Variants in SCAMP1 observed in about 807,000 individuals in gnomAD.
SCAMP1 encodes secretory carrier membrane protein 1, also known as secretory carrier-associated membrane protein 1.
SCAMP1 carries 15 observed loss-of-function variants against 41.8 expected under a neutral mutation model. The ratio of observed to expected loss-of-function variants is 0.36; its 90% confidence interval spans 0.24 to 0.55. SCAMP1 has a LOEUF of 0.55. Among genes scored for constraint, SCAMP1 ranks in the 20% least tolerant of loss-of-function variants. SCAMP1 has a pLI of 0.86. For synonymous variants in SCAMP1, 135 were observed against 136.8 expected (o/e 0.99, Z 0.09); for missense variants, 341 against 412.6 (o/e 0.83, Z 1.50).
intron 8 of SCAMP1, among the ~76,000 whole-genome samples, chr5:78,463,823 C>T (rs1753674532): frequency 6.6e-6 from 1 of 151,126 alleles, no homozygotes; most frequent in African/African-American, 2.4e-5. Flanking sequence ...GAATTGTACA[C>T]TTTAAAGGGT....
intron 1 of SCAMP1, among the ~76,000 whole-genome samples, chr5:78,386,453 C>T (rs188121501): frequency 4.6e-5 from 7 of 151,994 alleles, no homozygotes; most frequent in African/African-American, 9.7e-5. Flanking sequence ...TTACAATCAA[C>T]GTTATTATTG....
intron 7 of SCAMP1, among the ~76,000 whole-genome samples, chr5:78,458,585 T>C (rs550449316): frequency 5.1e-4 from 78 of 152,266 alleles, no homozygotes; most frequent in African/African-American, 1.8e-3. Flanking sequence ...AAATAAACAT[T>C]TAAAAAAATG....
intron 6 of SCAMP1, among the ~76,000 whole-genome samples, chr5:78,432,664 T>G (rs1580690997): frequency 6.6e-6 from 1 of 152,116 alleles, no homozygotes; most frequent in African/African-American, 2.4e-5. Context: ...TTGGGGTGTT[T>G]GAATATGATG....
chr5:78,365,251 A>T (rs1236790059), intron 1 of SCAMP1, among the ~76,000 whole-genome samples: 1 of 151,812 alleles, frequency 6.6e-6, no homozygotes, highest in Non-Finnish European at 1.5e-5. Flanking sequence ...GAGGCGGGCG[A>T]ATCACGAGGT....
At chr5:78,467,622 A>C (rs1200430435) in intron 8 of SCAMP1, among the ~76,000 whole-genome samples, 1 of 152,214 alleles carries the variant, frequency 6.6e-6, no homozygotes, top group Non-Finnish European at 1.5e-5. Flanking sequence ...AGAAGTTACC[A>C]GAACTTCTGT....
chr5:78,404,831 G>A (rs868293482), intron 2 of SCAMP1, among the ~76,000 whole-genome samples: 1 of 152,176 alleles, frequency 6.6e-6, no homozygotes, highest in South Asian at 2.1e-4. Context: ...AGAAGAAGGA[G>A]GGGATTTTTT....
intron 2 of SCAMP1, among the ~76,000 whole-genome samples, chr5:78,398,839 A>G (rs1751728315): frequency 6.6e-6 from 1 of 152,086 alleles, no homozygotes; most frequent in Admixed American, 6.6e-5. Context: ...GCCACCGCGC[A>G]TGGCCCCAGC....
At position 78,469,715 on chromosome 5, in the gene SCAMP1, A is replaced by G. The variant is rs112078676; in HGVS notation, c.853-5789A>G. ...TCAGCTTTATTGAAATATAATTCAC[A>G]TACAATTCACCCATTTAAAATATAC... On this transcript the variant is annotated intron_variant, in intron 8 of 8. Coordinates refer to ENST00000621999, the MANE Select transcript of SCAMP1 (RefSeq NM_004866.6). 1.9e-3 allele frequency among the ~76,000 whole-genome samples: 290 copies of G among 151,746 alleles called. 1 individual carries two copies. Among genetic ancestry groups the G allele is most frequent in the African/African-American group, 6.1e-3 (251 of 41,420 alleles).
chr5:78,462,381 G>A (rs1206092922), intron 8 of SCAMP1, among the ~76,000 whole-genome samples: 1 of 152,180 alleles, frequency 6.6e-6, no homozygotes, highest in Non-Finnish European at 1.5e-5. Context: ...CCAGGCTGGA[G>A]TGCAGTGGTG....
chr5:78,413,419 G>A (rs1752130025), intron 2 of SCAMP1, among the ~76,000 whole-genome samples: 1 of 103,570 alleles, frequency 9.7e-6, no homozygotes, highest in Non-Finnish European at 1.9e-5. Flanking sequence ...TTTAGTTCCT[G>A]CCTTTTTTTT....
chr5:78,458,116 C>G (rs1468263807), intron 7 of SCAMP1, among the ~76,000 whole-genome samples: 2 of 152,112 alleles, frequency 1.3e-5, no homozygotes, highest in African/African-American at 2.4e-5. Context: ...CCTGGTACCT[C>G]AGATGGAAAT....
chr5:78,418,806 C>T lies in SCAMP1; in HGVS notation c.375C>T (p.Ser125=), dbSNP rs1580679521. 2 of 1,566,132 alleles carry T rather than the reference C, an allele frequency of 1.3e-6. No individual in the cohort carries two copies. The highest frequency in any genetic ancestry group is 4.6e-5 in the East Asian group (2 of 43,292). ...GRKNNWPPLP[S]NFPVGPCFYQ... ...AAAATAATTGGCCACCTCTTCCTAGCAATTTTCCTGTCGGACCTTGTTTCT... is the reference window on the plus strand; with the variant it reads ...AAAATAATTGGCCACCTCTTCCTAGTAATTTTCCTGTCGGACCTTGTTTCT... The change falls in exon 5 of 9, where the codon AGC becomes AGT. Residue 125 remains serine (S), a synonymous_variant. Transcript: ENST00000621999.
At chr5:78,447,754 G>C (rs1753086786) in intron 6 of SCAMP1, among the ~76,000 whole-genome samples, 4 of 151,898 alleles carry the variant, frequency 2.6e-5, no homozygotes, top group African/African-American at 4.8e-5. Context: ...ATACACTGGA[G>C]TTCGTAAAAA....
chr5:78,450,064 T>C, intron 7 of SCAMP1, 30 bp downstream of exon 7: 1 of 1,176,006 alleles, frequency 8.5e-7, no homozygotes, highest in Admixed American at 2.1e-5. Flanking sequence ...AGTTTTCAGC[T>C]TTAATCTAAT....
At chr5:78,389,050 C>G in intron 2 of SCAMP1, 136 bp downstream of exon 2, 1 of 482,776 alleles carries the variant, frequency 2.1e-6, no homozygotes, top group Non-Finnish European at 3.7e-6. Flanking sequence ...ATTCAGCAAA[C>G]TTGGATTTTT....
chr5:78,411,257 T>C (rs1414822298), intron 2 of SCAMP1, among the ~76,000 whole-genome samples: 1 of 152,178 alleles, frequency 6.6e-6, no homozygotes, highest in Non-Finnish European at 1.5e-5. Context: ...TTCTACAGTT[T>C]TTATAGTTTT....
intron 8 of SCAMP1, among the ~76,000 whole-genome samples, chr5:78,468,922 G>A (rs1314938466): frequency 6.6e-6 from 1 of 152,044 alleles, no homozygotes; most frequent in Non-Finnish European, 1.5e-5. Context: ...ATATGCAGGG[G>A]ATTGGTTTCA....
intron 2 of SCAMP1, among the ~76,000 whole-genome samples, chr5:78,398,541 ATTTTTTTTTT>A (rs57209214): frequency 2.3e-4 from 10 of 44,280 alleles, no homozygotes; most frequent in Admixed American, 1.4e-3. Context: ...AAGGTTCACT[ATTTTTTTTTT>A]TTTTTTTTTT....
chr5:78,362,630 T>C (rs1750685184), intron 1 of SCAMP1, among the ~76,000 whole-genome samples: 1 of 152,254 alleles, frequency 6.6e-6, no homozygotes, highest in African/African-American at 2.4e-5. Flanking sequence ...GTAGACTTGG[T>C]TGTACACATA....
Sources: gnomAD v4.1 joint callset for allele counts (sites outside exome capture counted in the v4.1 genomes callset) on GRCh38, gnomAD v4.1.1 for gene constraint, MANE v1.5 for transcripts, NCBI Gene and HGNC (gene_info 2026-07-23, HGNC 2026-07-21) for gene names.